IFTAP: variants seen among roughly 807,000 people sequenced by gnomAD.
IFTAP encodes intraflagellar transport associated protein.
Under a neutral mutation model 19.4 loss-of-function variants are expected in IFTAP, and 19 were observed. The ratio of observed to expected loss-of-function variants is 0.98; its 90% confidence interval spans 0.68 to 1.44. The LOEUF is 1.44. Ranked by LOEUF, IFTAP falls within the 40% of genes most tolerant of loss-of-function variation. The pLI is 0.00. For missense variants in IFTAP, 240 were observed against 253.6 expected (o/e 0.95, Z 0.36); for synonymous variants, 85 against 83.5 (o/e 1.02, Z -0.10).
At chr11:36,606,355 C>G (rs1011998760) in intron 1 of IFTAP, among the ~76,000 whole-genome samples, 1 of 152,054 alleles carries the variant, frequency 6.6e-6, no homozygotes, top group African/African-American at 2.4e-5. Flanking sequence ...CCCAGCTACT[C>G]GGGAGGCTGA....
intron 1 of IFTAP, among the ~76,000 whole-genome samples, chr11:36,601,713 G>A (rs1851515859): frequency 6.6e-6 from 1 of 152,026 alleles, no homozygotes; most frequent in Non-Finnish European, 1.5e-5. Flanking sequence ...GAGTGCAGTG[G>A]CATAATCTTG....
chr11:36,652,139 G>C (rs1401630460), intron 5 of IFTAP, among the ~76,000 whole-genome samples: 1 of 152,130 alleles, frequency 6.6e-6, no homozygotes, highest in Non-Finnish European at 1.5e-5. Flanking sequence ...AAGTTACCTT[G>C]AGCAGTATGA....
intron 4 of IFTAP, among the ~76,000 whole-genome samples, chr11:36,638,088 C>T (rs893690469): frequency 2.0e-5 from 3 of 151,964 alleles, no homozygotes; most frequent in African/African-American, 7.3e-5. Flanking sequence ...CACTGTGTTG[C>T]CCAGGCTGGT....
At chr11:36,634,116 A>T (rs751579523) in intron 3 of IFTAP, among the ~76,000 whole-genome samples, 18 of 152,096 alleles carry the variant, frequency 1.2e-4, no homozygotes, top group Non-Finnish European at 2.5e-4. Context: ...ATAATTCTTT[A>T]TTTCCTGAAC....
At chr11:36,649,570 T>G (rs560472594) in intron 5 of IFTAP, among the ~76,000 whole-genome samples, 12 of 152,296 alleles carry the variant, frequency 7.9e-5, no homozygotes, top group Middle Eastern at 3.4e-3. Context: ...ATATATAATC[T>G]AGTACAATTA....
Position 36,598,225 on chromosome 11 carries a change from T to G in IFTAP, c.-24+3633T>G, listed in dbSNP as rs886048273. Reference sequence around the variant, plus strand: ...TGACTGTGGCAAGCAGAAGGCTGACTGTAAAGAGAGTGTGTATGTGTGCCT... The same window carrying G: ...TGACTGTGGCAAGCAGAAGGCTGACGGTAAAGAGAGTGTGTATGTGTGCCT... On this transcript the variant is annotated intron_variant, in intron 1 of 5. Coordinates refer to ENST00000334307, the MANE Select transcript of IFTAP (RefSeq NM_138787.4). 3.3e-5 allele frequency: 5 copies of G among 151,998 alleles called. No individual in the cohort carries two copies. Among genetic ancestry groups the G allele is most frequent in the Non-Finnish European group, 2.9e-5 (2 of 68,030 alleles). 9.4% of individuals were successfully genotyped at this position (151,998 alleles called of 1,614,324 possible). A position where few individuals can be genotyped will look rare whatever the true frequency, so the allele number is the denominator to read the frequency against.
intron 5 of IFTAP, among the ~76,000 whole-genome samples, chr11:36,648,974 A>G (rs1423786156): frequency 6.6e-6 from 1 of 152,188 alleles, no homozygotes; most frequent in Non-Finnish European, 1.5e-5. Flanking sequence ...CAGCTCTTCT[A>G]CATATGCTTA....
chr11:36,596,974 T>A (rs1186519385), intron 1 of IFTAP, among the ~76,000 whole-genome samples: 4 of 152,206 alleles, frequency 2.6e-5, no homozygotes, highest in Non-Finnish European at 5.9e-5. Context: ...GCTTTTGACC[T>A]GTTTTCCCTT....
intron 2 of IFTAP, among the ~76,000 whole-genome samples, chr11:36,627,751 TG>T (rs1852568731): frequency 6.6e-6 from 1 of 151,112 alleles, no homozygotes; most frequent in African/African-American, 2.5e-5. Flanking sequence ...TTTTATGGGA[TG>T]GGTATGTGTG....
Position 36,601,998 on chromosome 11 carries a change from G to T in IFTAP, c.-24+7406G>T, listed in dbSNP as rs376032079. 2.0e-5 allele frequency among the ~76,000 whole-genome samples: 3 copies of T among 152,156 alleles called. No individual in the cohort carries two copies. The East Asian group carries it at 5.8e-4, about 29-fold the overall frequency. ...AGTATAGAAACCATATTGGCAAAAA[G>T]AAATTATATATATATGTGCATGTGT... is the stretch of plus-strand genomic sequence containing the variant. On this transcript the variant is annotated intron_variant, in intron 1 of 5. Coordinates refer to ENST00000334307, the MANE Select transcript of IFTAP (RefSeq NM_138787.4).
At chr11:36,635,395 G>A (rs183118006) in intron 3 of IFTAP, among the ~76,000 whole-genome samples, 12 of 152,134 alleles carry the variant, frequency 7.9e-5, no homozygotes, top group African/African-American at 2.9e-4. Context: ...GCTTGCAGTG[G>A]AAAGCAGTAT....
At chr11:36,655,340 C>T (rs929752008) in intron 5 of IFTAP, among the ~76,000 whole-genome samples, 2 of 152,158 alleles carry the variant, frequency 1.3e-5, no homozygotes, top group Non-Finnish European at 2.9e-5. Context: ...TTCCAAGACG[C>T]CTTCTCTGAT....
intron 2 of IFTAP, among the ~76,000 whole-genome samples, chr11:36,629,362 A>G (rs981243754): frequency 2.0e-5 from 3 of 151,230 alleles, no homozygotes; most frequent in African/African-American, 7.4e-5. Context: ...CTTTCCTTCT[A>G]GCAATATATT....
At position 36,610,123 on chromosome 11, in the gene IFTAP, G is replaced by A. The variant is rs537523655; in HGVS notation, c.20G>A (p.Gly7Glu). The A allele has an allele frequency of 1.2e-6, 2 of 1,613,144 alleles. No homozygotes were observed. The highest frequency in any genetic ancestry group is 1.3e-5 in the African/African-American group (1 of 74,982). The change falls in exon 2 of 6, where the codon GGA becomes GAA. Residue 7 changes from glycine (G) to glutamate (E), a missense_variant. Transcript: ENST00000334307. The part of the protein sequence containing the change: MSAHMS[G>E]LEIMDEDQLI... Reference sequence around the variant, plus strand: ...ATAGGAATGTCTGCCCATATGTCAGGATTGGAAATAATGGATGAAGATCAA... The same window carrying A: ...ATAGGAATGTCTGCCCATATGTCAGAATTGGAAATAATGGATGAAGATCAA...
At chr11:36,657,302 G>A (rs1355133359) in intron 5 of IFTAP, among the ~76,000 whole-genome samples, 1 of 152,130 alleles carries the variant, frequency 6.6e-6, no homozygotes, top group Non-Finnish European at 1.5e-5. Flanking sequence ...TTGTGTGTGT[G>A]TGTTTCTGCA....
At chr11:36,658,064 G>A (rs1211764111) in intron 5 of IFTAP, among the ~76,000 whole-genome samples, 4 of 152,152 alleles carry the variant, frequency 2.6e-5, no homozygotes, top group Non-Finnish European at 5.9e-5. Flanking sequence ...TGAGCTACAT[G>A]CTACATTTTT....
At chr11:36,597,828 C>A (rs1009541670) in intron 1 of IFTAP, 1 of 152,022 alleles carries the variant, frequency 6.6e-6, no homozygotes, top group Non-Finnish European at 1.5e-5. Context: ...GCAGTAAAAC[C>A]AGGATTAGGT....
chr11:36,617,994 C>T (rs1236649763), intron 2 of IFTAP, among the ~76,000 whole-genome samples: 2 of 152,026 alleles, frequency 1.3e-5, no homozygotes, highest in South Asian at 4.1e-4. Context: ...TAGCTCTTCA[C>T]ATGTATCATC....
intron 1 of IFTAP, among the ~76,000 whole-genome samples, chr11:36,603,429 T>C (rs1851578444): frequency 6.6e-6 from 1 of 152,202 alleles, no homozygotes; most frequent in Non-Finnish European, 1.5e-5. Flanking sequence ...TATCCTTCTT[T>C]TCTGTTTCCA....
Sources: allele counts gnomAD v4.1 joint callset (sites outside exome capture counted in the v4.1 genomes callset), GRCh38; gene constraint gnomAD v4.1.1; transcripts MANE v1.5; gene names NCBI Gene and HGNC (gene_info 2026-07-23, HGNC 2026-07-21).